PTPRZ1: variants seen among roughly 807,000 people sequenced by gnomAD.
The protein encoded by PTPRZ1 is protein tyrosine phosphatase receptor type Z1.
PTPRZ1 carries 82 observed loss-of-function variants against 214.1 expected under a neutral mutation model. The ratio of observed to expected loss-of-function variants is 0.38; its 90% CI spans 0.32 to 0.46. PTPRZ1 has a LOEUF of 0.46. Among genes scored for constraint, PTPRZ1 ranks in the 20% least tolerant of loss-of-function variants. PTPRZ1 has a pLI of 1.00. For synonymous variants in PTPRZ1, 945 were observed against 987.9 expected (o/e 0.96, Z 0.81); for missense variants, 2,603 against 2,748.7 (o/e 0.95, Z 1.19).
intron 1 of PTPRZ1, among the ~76,000 whole-genome samples, chr7:121,898,566 A>G (rs939331979): frequency 2.0e-5 from 3 of 152,134 alleles, no homozygotes; most frequent in Non-Finnish European, 2.9e-5. Context: ...CTTCCCTGCC[A>G]GAATAATGCC....
intron 20 of PTPRZ1, among the ~76,000 whole-genome samples, chr7:122,040,065 G>A (rs952653903): frequency 3.3e-5 from 5 of 152,122 alleles, no homozygotes; most frequent in African/African-American, 7.2e-5. Flanking sequence ...CTAGATGCCT[G>A]TTGTGGCTTT....
chr7:122,016,117 A>C (rs1167777075), intron 12 of PTPRZ1, among the ~76,000 whole-genome samples: 1 of 152,042 alleles, frequency 6.6e-6, no homozygotes. Flanking sequence ...AAATGAGTAC[A>C]CTGACACCCA....
intron 1 of PTPRZ1, among the ~76,000 whole-genome samples, chr7:121,881,039 T>A (rs1794223128): frequency 6.6e-6 from 1 of 152,188 alleles, no homozygotes; most frequent in Non-Finnish European, 1.5e-5. Context: ...TCTCCAAAAT[T>A]CATGTTGAAG....
At chr7:121,961,105 A>G (rs1415995268) in intron 2 of PTPRZ1, among the ~76,000 whole-genome samples, 3 of 152,216 alleles carry the variant, frequency 2.0e-5, no homozygotes, top group African/African-American at 7.2e-5. Context: ...ATTAAGACAA[A>G]TAGGAGATGT....
At chr7:122,044,283 G>A (rs139370046) in intron 22 of PTPRZ1, 139 bp from the exon 23 acceptor site, 1 of 952,474 alleles carries the variant, frequency 1.0e-6, no homozygotes, top group Non-Finnish European at 1.6e-6. Flanking sequence ...TTCCTTCCAG[G>A]TTTTGTAAGC....
intron 8 of PTPRZ1, among the ~76,000 whole-genome samples, chr7:121,994,289 C>CT (rs35332072): frequency 0.03 from 2,283 of 75,024 alleles, 413 homozygotes; most frequent in East Asian, 0.086. Context: ...TAATGCATTT[C>CT]TTTTTTTTTT....
At chr7:122,031,734 T>G (rs1799383485) in intron 15 of PTPRZ1, 175 bp downstream of exon 15, 1 of 378,736 alleles carries the variant, frequency 2.6e-6, no homozygotes, top group South Asian at 9.2e-5. Context: ...CTATATAATT[T>G]AGACAATTGG....
intron 1 of PTPRZ1, among the ~76,000 whole-genome samples, chr7:121,900,293 C>T (rs1037929838): frequency 3.3e-5 from 5 of 152,092 alleles, no homozygotes; most frequent in African/African-American, 7.2e-5. Context: ...CAGGAGAGGC[C>T]GCTCACCCTT....
At chr7:122,036,415 G>A (rs915919958) in intron 17 of PTPRZ1, among the ~76,000 whole-genome samples, 185 bp from the exon 18 acceptor site, 4 of 152,120 alleles carry the variant, frequency 2.6e-5, no homozygotes, top group Non-Finnish European at 5.9e-5. Context: ...TCCTGAGGGT[G>A]GAGATTCTTT....
chr7:122,009,818 C>G (rs1798594356), intron 11 of PTPRZ1, among the ~76,000 whole-genome samples: 3 of 152,096 alleles, frequency 2.0e-5, no homozygotes, highest in Admixed American at 1.3e-4. Flanking sequence ...CCAAACACCT[C>G]TTTTAGTTCT....
At chr7:121,877,047 G>A (rs1794083441) in intron 1 of PTPRZ1, among the ~76,000 whole-genome samples, 1 of 152,176 alleles carries the variant, frequency 6.6e-6, no homozygotes, top group African/African-American at 2.4e-5. Flanking sequence ...CTCAAAGGAA[G>A]GCATAATTAA....
At chr7:122,014,527 C>T (rs1798788404) in intron 12 of PTPRZ1, among the ~76,000 whole-genome samples, 1 of 152,144 alleles carries the variant, frequency 6.6e-6, no homozygotes, top group Non-Finnish European at 1.5e-5. Flanking sequence ...CAAGCTCCGC[C>T]TCCCAGGTTC....
Position 122,040,880 on chromosome 7 carries a change from A to T in PTPRZ1, c.5702A>T (p.Asp1901Val). 6.2e-7 allele frequency: 1 copy of T among 1,607,200 alleles called. No homozygotes were observed. Among genetic ancestry groups the T allele is most frequent in the Non-Finnish European group, 8.5e-7 (1 of 1,174,916 alleles). The change falls in exon 21 of 30, where the codon GAC (aspartate) becomes GTC (valine). Residue 1901 changes from aspartate (D) to valine (V), a missense_variant. Asp to Val is a radical substitution (Grantham distance 152). Around this residue, in one of 6 missense-constraint regions of PTPRZ1, gnomAD observed 1,913 missense variants for 1,914.3 expected, o/e 1.00. Transcript: ENST00000393386. The stretch of plus-strand genomic sequence containing the variant: ...CAGTATCACTACACGCAGTGGCCTG[A>T]CATGGGAGTACCAGAGTACTCCCTG... The part of the protein sequence containing the change: ...VTQYHYTQWP[D>V]MGVPEYSLPV...
chr7:121,895,084 A>G (rs1794748368), intron 1 of PTPRZ1, among the ~76,000 whole-genome samples: 2 of 152,208 alleles, frequency 1.3e-5, no homozygotes, highest in Admixed American at 1.3e-4. Context: ...CTTTTGATCA[A>G]CAATCTTTAG....
At chr7:122,057,989 T>C (rs1321697294) in intron 27 of PTPRZ1, among the ~76,000 whole-genome samples, 1 of 151,160 alleles carries the variant, frequency 6.6e-6, no homozygotes, top group Non-Finnish European at 1.5e-5. Context: ...CATATATATA[T>C]ACATATATAT....
chr7:121,952,691 A>T (rs1796593824), intron 2 of PTPRZ1, among the ~76,000 whole-genome samples: 1 of 152,342 alleles, frequency 6.6e-6, no homozygotes, highest in African/African-American at 2.4e-5. Context: ...TGAGATTAAT[A>T]ATCCCTTGGC....
Position 121,994,790 on chromosome 7 carries a change from G to A in PTPRZ1, c.929-1592G>A, listed in dbSNP as rs145840517. Among the ~76,000 whole-genome samples the A allele has an allele frequency of 2.7e-3, 406 of 152,190 alleles. 3 individuals are homozygous for A. Among genetic ancestry groups the A allele is most frequent in the Non-Finnish European group, 4.3e-3 (290 of 68,006 alleles). ...GTCTCACTCAGTAGAGTAACATCAT[G>A]TAGTATACACCTAAATTAAAATATA... is the stretch of plus-strand genomic sequence containing the variant. On this transcript the variant is annotated intron_variant, in intron 8 of 29. Coordinates refer to ENST00000393386, the MANE Select transcript of PTPRZ1 (RefSeq NM_002851.3).
At chr7:122,046,861 G>C (rs1367911275) in intron 23 of PTPRZ1, among the ~76,000 whole-genome samples, 1 of 151,920 alleles carries the variant, frequency 6.6e-6, no homozygotes, top group Non-Finnish European at 1.5e-5. Flanking sequence ...GGAGTGATCA[G>C]CGTAGAGATG....
At position 122,061,118 on chromosome 7, in the gene PTPRZ1, T is replaced by C; in HGVS notation, c.6846T>C (p.Leu2282=). 2 of 1,611,370 alleles carry C rather than the reference T, an allele frequency of 1.2e-6. No homozygotes were observed. The highest frequency in any genetic ancestry group is 1.7e-6 in the Non-Finnish European group (2 of 1,178,106). Residue 2282 remains leucine (L), a synonymous_variant, in exon 30 of 30, where the codon CTT becomes CTC. Transcript: ENST00000393386. ...TTCTCTACAAAGTGATCCTCAGCCT[T>C]GTGAGCACAAGGCAGGAAGAGAATC... is the stretch of plus-strand genomic sequence containing the variant. The part of the protein sequence containing the change: ...YQFLYKVILS[L]VSTRQEENPS...
Sources: gnomAD v4.1 joint callset for allele counts (sites outside exome capture counted in the v4.1 genomes callset) on GRCh38, gnomAD v4.1.1 for gene constraint, gnomAD v4.1.1 regional missense constraint, MANE v1.5 for transcripts, NCBI Gene and HGNC (gene_info 2026-07-23, HGNC 2026-07-21) for gene names.